The following PSMA1 variants were observed in gnomAD, a reference collection of about 807,000 sequenced individuals.
PSMA1 encodes proteasome subunit alpha type-1.
Under a neutral mutation model 38.4 loss-of-function variants are expected in PSMA1, and 3 were observed. The ratio of observed to expected loss-of-function variants is 0.08; its 90% CI spans 0.04 to 0.20. The LOEUF is 0.20. PSMA1 is among the 10% of genes least tolerant of loss of function. The probability of loss-of-function intolerance (pLI) is 1.00; values close to 1 mark genes in which losing one functional copy is unlikely to be tolerated. For synonymous variants in PSMA1, 101 were observed against 107.1 expected (o/e 0.94, Z 0.35); for missense variants, 227 against 325.3 (o/e 0.70, Z 2.32).
At chr11:14,556,216 G>C (rs1480578270) in intron 2 of PSMA1, among the ~76,000 whole-genome samples, 1 of 152,190 alleles carries the variant, frequency 6.6e-6, no homozygotes, top group Non-Finnish European at 1.5e-5. Context: ...TATGGAATGT[G>C]TATTTCTTTG....
chr11:14,557,911 A>G (rs1441195587), intron 2 of PSMA1, among the ~76,000 whole-genome samples: 3 of 152,120 alleles, frequency 2.0e-5, no homozygotes, highest in Non-Finnish European at 2.9e-5. Context: ...GGTGCCTCCA[A>G]TTGCAGAATT....
At chr11:14,627,164 C>G (rs1852921709) in intron 1 of PSMA1, among the ~76,000 whole-genome samples, 1 of 152,178 alleles carries the variant, frequency 6.6e-6, no homozygotes, top group African/African-American at 2.4e-5. Context: ...TTAAAGGCTC[C>G]ATTTCCTAAT....
rs562547021 is a variant in PSMA1, at chr11:14,531,140, C to T, written c.22-12099G>A. ...TAGATATACTTCACCCTTTTTTTTC[C>T]TTTTTTCAACTTTTATTTTAGATTC... On this transcript the variant is annotated intron_variant, in intron 2 of 10. Transcript: ENST00000418988. Among the ~76,000 whole-genome samples the T allele has an allele frequency of 6.2e-4, 93 of 150,588 alleles. 1 individual carries two copies. Among genetic ancestry groups the T allele is most frequent in the African/African-American group, 2.1e-3 (85 of 41,090 alleles).
chr11:14,570,387 G>A (rs954715715), intron 2 of PSMA1, among the ~76,000 whole-genome samples: 1 of 152,222 alleles, frequency 6.6e-6, no homozygotes, highest in Non-Finnish European at 1.5e-5. Context: ...AGAGAAGAAA[G>A]CTTCAGACGA....
chr11:14,642,137 A>C lies in PSMA1; in HGVS notation c.-166+1318T>G, dbSNP rs1853215068. 2.0e-5 allele frequency among the ~76,000 whole-genome samples: 3 copies of C among 152,300 alleles called. No individual in the cohort carries two copies. In the South Asian group the frequency reaches 6.2e-4, roughly 32 times the overall value. Reference sequence around the variant, plus strand: ...CACACACACACACCTGTTAATCTGAATTTGTTCTAATTTTCAAATCAATTT... The same window carrying C: ...CACACACACACACCTGTTAATCTGACTTTGTTCTAATTTTCAAATCAATTT... On this transcript the variant is annotated intron_variant, in intron 1 of 10. Coordinates refer to the PSMA1 transcript ENST00000418988.
At chr11:14,543,872 T>C (rs1851798097) in intron 2 of PSMA1, among the ~76,000 whole-genome samples, 1 of 152,204 alleles carries the variant, frequency 6.6e-6, no homozygotes, top group Non-Finnish European at 1.5e-5. Flanking sequence ...CTGACAACAT[T>C]GAGGACTTAT....
At chr11:14,602,054 C>T (rs1484973896) in intron 2 of PSMA1, among the ~76,000 whole-genome samples, 1 of 152,210 alleles carries the variant, frequency 6.6e-6, no homozygotes, top group Non-Finnish European at 1.5e-5. Context: ...TCATACTTCA[C>T]ACCCAGCATA....
chr11:14,545,469 TC>T (rs201473060), intron 2 of PSMA1, among the ~76,000 whole-genome samples: 5,258 of 152,244 alleles, frequency 0.035, 132 homozygotes, highest in Middle Eastern at 0.068. Context: ...TCCCTTCCTT[TC>T]CCCTCGTACA....
At chr11:14,573,691 G>A (rs1852177240) in intron 2 of PSMA1, among the ~76,000 whole-genome samples, 1 of 152,070 alleles carries the variant, frequency 6.6e-6, no homozygotes, top group South Asian at 2.1e-4. Flanking sequence ...AGAAATAAAG[G>A]GTATTCAATT....
chr11:14,634,357 A>C (rs960855378), intron 1 of PSMA1, among the ~76,000 whole-genome samples: 2 of 152,208 alleles, frequency 1.3e-5, no homozygotes, highest in Non-Finnish European at 2.9e-5. Context: ...GTACACATAC[A>C]CGCAACACAC....
At chr11:14,610,466 C>T (rs895800558) in intron 2 of PSMA1, among the ~76,000 whole-genome samples, 24 of 152,152 alleles carry the variant, frequency 1.6e-4, no homozygotes, top group African/African-American at 5.8e-4. Context: ...TGTAATCACC[C>T]TCAGCAGAGA....
intron 2 of PSMA1, among the ~76,000 whole-genome samples, chr11:14,552,604 T>C (rs926300525): frequency 6.6e-6 from 1 of 152,152 alleles, no homozygotes; most frequent in Non-Finnish European, 1.5e-5. Flanking sequence ...CTTGAAAATA[T>C]GCTACTTGCC....
chr11:14,586,874 C>T (rs1335428103), intron 2 of PSMA1, among the ~76,000 whole-genome samples: 1 of 152,062 alleles, frequency 6.6e-6, no homozygotes, highest in Non-Finnish European at 1.5e-5. Context: ...CATTCTCCTG[C>T]CTCAGCCTCC....
At chr11:14,604,233 T>C (rs745928706) in intron 2 of PSMA1, among the ~76,000 whole-genome samples, 10 of 152,178 alleles carry the variant, frequency 6.6e-5, no homozygotes, top group Non-Finnish European at 2.9e-5. Flanking sequence ...CTAATTTTTT[T>C]GTATTTTTAG....
chr11:14,522,547 T>A (rs930180416), upstream of PSMA1, among the ~76,000 whole-genome samples: 4 of 152,190 alleles, frequency 2.6e-5, no homozygotes, highest in African/African-American at 9.6e-5. Flanking sequence ...TACTTTTTAC[T>A]TTTATCAATT....
At chr11:14,580,400 A>T (rs952015301) in intron 2 of PSMA1, among the ~76,000 whole-genome samples, 4 of 152,032 alleles carry the variant, frequency 2.6e-5, no homozygotes, top group African/African-American at 9.7e-5. Context: ...ACACCTCAAG[A>T]CCACTTTTCC....
intron 2 of PSMA1, among the ~76,000 whole-genome samples, chr11:14,538,752 G>A (rs1021502846): frequency 1.3e-5 from 2 of 152,256 alleles, no homozygotes; most frequent in Non-Finnish European, 1.5e-5. Context: ...TGCAGGTGAG[G>A]ACAGGGCTGC....
At chr11:14,596,168 C>T (rs1055553400) in intron 2 of PSMA1, among the ~76,000 whole-genome samples, 3 of 152,162 alleles carry the variant, frequency 2.0e-5, no homozygotes, top group African/African-American at 4.8e-5. Context: ...AGTTTGAAGT[C>T]AGGTAGTGTG....
In PSMA1 at chr11:14,505,285, G is replaced by T. The variant is rs567018819; in HGVS notation, c.736-37C>A. 449 of 1,542,440 alleles carry T rather than the reference G, an allele frequency of 2.9e-4. 11 individuals are homozygous for T. The South Asian group carries it at 4.7e-3, about 16-fold the overall frequency. On this transcript the variant is annotated intron_variant, in intron 9 of 9. Transcript: ENST00000396394. ...AAGAAAAAAAGAAAATATGTAAAAT[G>T]AACACTTGATCAATATACACATCTA...
Sources: allele counts gnomAD v4.1 joint callset (sites outside exome capture counted in the v4.1 genomes callset), GRCh38; gene constraint gnomAD v4.1.1; transcripts MANE v1.5; gene names NCBI Gene and HGNC (gene_info 2026-07-23, HGNC 2026-07-21).